Variants in NR4A3 observed in about 807,000 individuals in gnomAD.
NR4A3 encodes nuclear receptor subfamily 4 group A member 3.
In NR4A3, 13 loss-of-function variants were observed where a neutral mutation model predicts 55.6. The observed-to-expected ratio is 0.23, with a 90% CI of 0.15 to 0.37. NR4A3 has a LOEUF of 0.37. Ranked by LOEUF, NR4A3 falls within the 10% of genes least tolerant of loss-of-function variation. The probability of loss-of-function intolerance (pLI) is 1.00; values close to 1 mark genes in which losing one functional copy is unlikely to be tolerated. For missense variants in NR4A3, 646 were observed against 822.8 expected, an observed-to-expected ratio of 0.79 and a Z score of 2.63; for synonymous variants, 342 against 357.9, an observed-to-expected ratio of 0.96 and a Z score of 0.50.
chr9:99,828,661 G>C lies in NR4A3; in HGVS notation c.619G>C (p.Gly207Arg). The C allele has an allele frequency of 7.1e-7, 1 of 1,418,012 alleles. No individual in the cohort carries two copies. The highest frequency in any genetic ancestry group is 1.5e-5 in the South Asian group (1 of 68,168). 87.8% of individuals were successfully genotyped at this position (1,418,012 alleles called of 1,614,324 possible). A position where few individuals can be genotyped will look rare whatever the true frequency, so the allele number is the denominator to read the frequency against. Reference sequence around the variant, plus strand: ...GCATCCCCCCGCGCCCAGCCCGGCCGGCGGCCACCACCTCGGCTACGACCC... The same window carrying C: ...GCATCCCCCCGCGCCCAGCCCGGCCCGCGGCCACCACCTCGGCTACGACCC... ...PPHPPAPSPA[G>R]GHHLGYDPTA... is the part of the protein sequence containing the mutation. The change falls in exon 3 of 8, where the codon GGC (glycine) becomes CGC (arginine). Residue 207 changes from glycine (G) to arginine (R), a missense_variant. Transcript: ENST00000395097. The surrounding 1 kb of genome is among the most constrained non-coding windows in gnomAD (Gnocchi z 7.7).
In NR4A3 at chr9:99,828,387, A is replaced by C. The variant is rs1415417350; in HGVS notation, c.345A>C (p.Pro115=). The change falls in exon 3 of 8, where the codon CCA becomes CCC. Residue 115 remains proline, a synonymous_variant. Transcript: ENST00000395097. The surrounding 1 kb of genome is among the most constrained non-coding windows in gnomAD (Gnocchi z 7.7). ...HHHHQQQHQQ[P]SIPPASSPED... is the part of the protein sequence containing the mutation. ...ATCACCAGCAGCAGCATCAGCAGCCATCCATTCCTCCAGCCTCCAGCCCGG... is the reference window on the plus strand; with the variant it reads ...ATCACCAGCAGCAGCATCAGCAGCCCTCCATTCCTCCAGCCTCCAGCCCGG... 1 of 1,593,046 alleles carries C rather than the reference A, an allele frequency of 6.3e-7. No homozygotes were observed. Among genetic ancestry groups the C allele is most frequent in the South Asian group, 1.2e-5 (1 of 86,626 alleles).
intron 5 of NR4A3, among the ~76,000 whole-genome samples, chr9:99,835,346 G>A (rs1827540367): frequency 6.6e-6 from 1 of 152,200 alleles, no homozygotes; most frequent in African/African-American, 2.4e-5. Context: ...ATATGCAGCA[G>A]AGACAGAATT....
chr9:99,836,234 CA>C lies in NR4A3; in HGVS notation c.1254+2783del, dbSNP rs771637942. On this transcript the variant is annotated intron_variant, in intron 5 of 7. Transcript: ENST00000395097. ...GGAACAGGAAGGGCTGAAACCATCA[CA>C]AAGAAAGTTAACAAAAATAAATCTG... Among the ~76,000 whole-genome samples the C allele has an allele frequency of 3.3e-3, 498 of 152,144 alleles. 2 individuals carry two copies. The highest frequency in any genetic ancestry group is 4.9e-3 in the Non-Finnish European group (336 of 67,992).
At chr9:99,827,427 T>C (rs1274250149) in intron 2 of NR4A3, among the ~76,000 whole-genome samples, 1 of 152,228 alleles carries the variant, frequency 6.6e-6, no homozygotes, top group Non-Finnish European at 1.5e-5. Context: ...GGGGTCCAGT[T>C]TGTGCAGGCT....
At chr9:99,853,023 G>A (rs1011607881) in intron 7 of NR4A3, among the ~76,000 whole-genome samples, 34 of 152,162 alleles carry the variant, frequency 2.2e-4, no homozygotes, top group African/African-American at 4.8e-5. Flanking sequence ...TTTAGAGACC[G>A]GAGATCTGAG....
chr9:99,858,680 A>T (rs1282031271), intron 7 of NR4A3, among the ~76,000 whole-genome samples: 4 of 152,232 alleles, frequency 2.6e-5, no homozygotes, highest in African/African-American at 9.6e-5. Context: ...GTTATAAGAG[A>T]AATATCTCTG....
intron 5 of NR4A3, 58 bp downstream of exon 5, chr9:99,833,512 C>T (rs769585937): frequency 6.2e-7 from 1 of 1,613,856 alleles, no homozygotes; most frequent in Non-Finnish European, 8.5e-7. Flanking sequence ...TTTATGGCTA[C>T]TAGTAATAAG....
chr9:99,858,322 C>T (rs994355740), intron 7 of NR4A3, among the ~76,000 whole-genome samples: 4 of 152,230 alleles, frequency 2.6e-5, no homozygotes, highest in African/African-American at 9.6e-5. Context: ...CCATCACTCT[C>T]TCCCCCTGAC....
chr9:99,842,247 T>C (rs997762600), intron 5 of NR4A3, among the ~76,000 whole-genome samples: 2 of 152,286 alleles, frequency 1.3e-5, no homozygotes, highest in Middle Eastern at 3.4e-3. Context: ...ATTAGCTGTT[T>C]CTTCTCCAAC....
intron 6 of NR4A3, among the ~76,000 whole-genome samples, 190 bp from the exon 7 acceptor site, chr9:99,847,247 A>G (rs1409322726): frequency 1.3e-5 from 2 of 152,358 alleles, no homozygotes; most frequent in Non-Finnish European, 1.5e-5. Flanking sequence ...ATTAGCATAG[A>G]CAAGTGGTGC....
At chr9:99,832,600 C>T in intron 3 of NR4A3, 89 bp from the exon 4 acceptor site, 2 of 1,164,120 alleles carry the variant, frequency 1.7e-6, no homozygotes, top group Admixed American at 2.7e-5. Context: ...TGCACTGTCG[C>T]TTTTCACATT....
chr9:99,864,487 G>C lies in NR4A3; in HGVS notation c.*620G>C, dbSNP rs1182133815. The C allele has an allele frequency of 4.4e-6, 1 of 227,856 alleles. No individual in the cohort carries two copies. The highest frequency in any genetic ancestry group is 2.2e-5 in the African/African-American group (1 of 44,968). 14.1% of individuals were successfully genotyped at this position (227,856 alleles called of 1,614,324 possible). ...CCATAAACAAGTGCAATTTTTTAAAGTGCTGTCTTACTAAGTCTTGTTTAT... is the reference window on the plus strand; with the variant it reads ...CCATAAACAAGTGCAATTTTTTAAACTGCTGTCTTACTAAGTCTTGTTTAT... On this transcript the variant is annotated 3_prime_UTR_variant, in exon 8 of 8. Coordinates refer to ENST00000395097, the MANE Select transcript of NR4A3 (RefSeq NM_006981.4).
intron 7 of NR4A3, among the ~76,000 whole-genome samples, chr9:99,858,007 G>T (rs1827956612): frequency 1.3e-5 from 2 of 152,026 alleles, no homozygotes; most frequent in African/African-American, 2.4e-5. Context: ...GATATTTATT[G>T]GGTGTCTCCT....
At chr9:99,844,069 T>G (rs1369297685) in intron 5 of NR4A3, among the ~76,000 whole-genome samples, 1 of 116,800 alleles carries the variant, frequency 8.6e-6, no homozygotes, top group Non-Finnish European at 1.6e-5. Flanking sequence ...CAGGCCGAAA[T>G]TATCACTTCT....
intron 5 of NR4A3, among the ~76,000 whole-genome samples, chr9:99,837,141 T>C (rs2118555202): frequency 6.6e-6 from 1 of 152,334 alleles, no homozygotes; most frequent in East Asian, 1.9e-4. Context: ...TCTCCCATTC[T>C]GTAGTATTTC....
At chr9:99,857,563 G>T (rs1827948839) in intron 7 of NR4A3, among the ~76,000 whole-genome samples, 2 of 151,946 alleles carry the variant, frequency 1.3e-5, no homozygotes, top group Admixed American at 6.6e-5. Flanking sequence ...AAGGCAGGCG[G>T]ATCACAAGGT....
intron 3 of NR4A3, among the ~76,000 whole-genome samples, chr9:99,829,673 A>G (rs1387332671): frequency 6.6e-6 from 1 of 152,146 alleles, no homozygotes; most frequent in Non-Finnish European, 1.5e-5. Flanking sequence ...GTCTTCTTCT[A>G]TGGAAAGAGC....
intron 4 of NR4A3, 142 bp downstream of exon 4, chr9:99,832,960 C>T (rs1245141861): frequency 1.4e-6 from 1 of 726,206 alleles, no homozygotes; most frequent in Non-Finnish European, 2.1e-6. Context: ...TATATATCTA[C>T]ATTTTAAAAT....
At position 99,828,148 on chromosome 9, in the gene NR4A3, A is replaced by G; in HGVS notation, c.106A>G (p.Thr36Ala). Residue 36 changes from threonine to alanine, a missense_variant, in exon 3 of 8, where the codon ACC becomes GCC. This residue lies in a region of NR4A3 where 426 missense variants were observed against 429.4 expected (regional missense o/e 0.99). Coordinates refer to ENST00000395097, the MANE Select transcript of NR4A3 (RefSeq NM_006981.4). The surrounding 1 kb of genome is among the most constrained non-coding windows in gnomAD (Gnocchi z 7.7). ...YTTEIMNPDY[T>A]KLTMDLGSTE... ...CACGGAGATCATGAACCCCGACTAC[A>G]CCAAGCTGACCATGGACCTTGGCAG... 1 of 1,613,982 alleles carries G rather than the reference A, an allele frequency of 6.2e-7. No individual in the cohort carries two copies. Among genetic ancestry groups the G allele is most frequent in the African/African-American group, 1.3e-5 (1 of 74,966 alleles).
Sources: gnomAD v4.1 joint callset for allele counts (sites outside exome capture counted in the v4.1 genomes callset) on GRCh38, gnomAD v4.1.1 for gene constraint, gnomAD v4.1.1 regional missense constraint, Gnocchi (gnomAD v3.1) non-coding constraint, MANE v1.5 for transcripts, NCBI Gene and HGNC (gene_info 2026-07-23, HGNC 2026-07-21) for gene names.